Variants in ATP2B4 observed in about 807,000 individuals in gnomAD.
The protein encoded by ATP2B4 is ATPase plasma membrane Ca2+ transporting 4.
A neutral mutation model predicts 110.3 loss-of-function variants in ATP2B4; 39 were observed. The ratio of observed to expected loss-of-function variants is 0.35; its 90% confidence interval spans 0.27 to 0.46. The LOEUF (loss-of-function observed/expected upper bound fraction) is 0.46. ATP2B4 is among the 20% of genes least tolerant of loss of function. The pLI, the probability that ATP2B4 is intolerant of heterozygous loss-of-function variation, is 1.00. For synonymous variants in ATP2B4, 538 were observed against 571.7 expected (o/e 0.94, Z 0.84); for missense variants, 1,135 against 1,530.9 (o/e 0.74, Z 4.32).
chr1:203,704,620 A>C (rs1294096477), intron 8 of ATP2B4, among the ~76,000 whole-genome samples: 2 of 151,724 alleles, frequency 1.3e-5, no homozygotes, highest in Non-Finnish European at 2.9e-5. Context: ...AGCAGGGACT[A>C]CAGGTGCACA....
In ATP2B4 at chr1:203,721,183, C is replaced by G; in HGVS notation, c.2599-14C>G. ...CAGAGAAAAGCTAAAAGGACTGGTT[C>G]TTCTCCCCGCCAGGATTCCCCATTG... is the stretch of plus-strand genomic sequence containing the variant. On this transcript the variant is annotated splice_polypyrimidine_tract_variant and intron_variant, in intron 16 of 20. Transcript: ENST00000357681. 6.2e-7 allele frequency: 1 copy of G among 1,613,400 alleles called. No homozygotes were observed. Among genetic ancestry groups the G allele is most frequent in the South Asian group, 1.1e-5 (1 of 91,056 alleles).
intron 1 of ATP2B4, among the ~76,000 whole-genome samples, chr1:203,634,714 A>G (rs970432776): frequency 1.3e-5 from 2 of 152,078 alleles, no homozygotes; most frequent in Non-Finnish European, 2.9e-5. Flanking sequence ...ATCCAGCTGG[A>G]GTGCAGTGGC....
chr1:203,628,539 G>T (rs1316803413), intron 1 of ATP2B4, among the ~76,000 whole-genome samples: 1 of 152,200 alleles, frequency 6.6e-6, no homozygotes, highest in African/African-American at 2.4e-5. Flanking sequence ...GAGGGGAAAG[G>T]AGTGGGGGAG....
intron 20 of ATP2B4, among the ~76,000 whole-genome samples, chr1:203,738,840 G>T (rs1439993007): frequency 6.6e-6 from 1 of 152,204 alleles, no homozygotes; most frequent in Non-Finnish European, 1.5e-5. Context: ...GTGAAGTTCT[G>T]TGTTATTTGC....
chr1:203,653,028 C>T (rs1175617271), intron 1 of ATP2B4, among the ~76,000 whole-genome samples: 5 of 152,280 alleles, frequency 3.3e-5, no homozygotes, highest in Non-Finnish European at 2.9e-5. Context: ...CAAAGCTAGG[C>T]CTCTTGTACC....
chr1:203,712,594 A>C (rs1666043788), intron 13 of ATP2B4, among the ~76,000 whole-genome samples: 1 of 151,428 alleles, frequency 6.6e-6, no homozygotes, highest in African/African-American at 2.4e-5. Flanking sequence ...CCGTCTCAAA[A>C]AAGAAAAAAA....
At chr1:203,632,216 A>G (rs1207838096) in intron 1 of ATP2B4, among the ~76,000 whole-genome samples, 1 of 152,202 alleles carries the variant, frequency 6.6e-6, no homozygotes, top group Non-Finnish European at 1.5e-5. Flanking sequence ...AAAAGAAAAA[A>G]AAAAGAATGA....
chr1:203,637,126 A>T (rs761381165), intron 1 of ATP2B4, among the ~76,000 whole-genome samples: 1 of 152,208 alleles, frequency 6.6e-6, no homozygotes, highest in Non-Finnish European at 1.5e-5. Context: ...TATTATATTG[A>T]ACCATATGAA....
intron 1 of ATP2B4, among the ~76,000 whole-genome samples, chr1:203,675,603 G>T (rs190162494): frequency 5.1e-4 from 77 of 152,246 alleles, no homozygotes; most frequent in African/African-American, 1.8e-3. Flanking sequence ...AGACCCAGGG[G>T]CTACGAGTGA....
intron 1 of ATP2B4, among the ~76,000 whole-genome samples, chr1:203,630,475 G>A (rs1447850246): frequency 1.3e-5 from 2 of 151,302 alleles, no homozygotes; most frequent in East Asian, 3.9e-4. Flanking sequence ...CTAAGCCTTG[G>A]AGAGAGAAAA....
At chr1:203,690,846 G>A (rs988132713) in intron 2 of ATP2B4, among the ~76,000 whole-genome samples, 83 of 152,116 alleles carry the variant, frequency 5.5e-4, no homozygotes, top group African/African-American at 1.6e-3. Flanking sequence ...ACTAATTCAC[G>A]ATGTGAGAAG....
chr1:203,696,873 G>A (rs1665548754), intron 2 of ATP2B4, among the ~76,000 whole-genome samples: 1 of 152,002 alleles, frequency 6.6e-6, no homozygotes, highest in South Asian at 2.1e-4. Context: ...TGATGTGAGT[G>A]GTGTATGTGG....
chr1:203,704,192 G>C (rs973825969), intron 8 of ATP2B4, among the ~76,000 whole-genome samples: 11 of 152,154 alleles, frequency 7.2e-5, no homozygotes, highest in African/African-American at 2.7e-4. Context: ...GCTTGCTACA[G>C]GCAATTCTCT....
At chr1:203,717,304 A>T (rs116336775) in intron 15 of ATP2B4, among the ~76,000 whole-genome samples, 2,430 of 152,286 alleles carry the variant, frequency 0.016, 71 homozygotes, top group African/African-American at 0.056. Context: ...GGTTTTTTTT[A>T]AAATGATGAG....
At chr1:203,696,245 A>G (rs574313256) in intron 2 of ATP2B4, among the ~76,000 whole-genome samples, 3 of 152,282 alleles carry the variant, frequency 2.0e-5, no homozygotes, top group South Asian at 4.1e-4. Flanking sequence ...GGTTCTATTC[A>G]GTGAAGATTT....
chr1:203,659,003 GA>G (rs973378028), intron 1 of ATP2B4, among the ~76,000 whole-genome samples: 50 of 143,026 alleles, frequency 3.5e-4, no homozygotes, highest in East Asian at 6.0e-4. Flanking sequence ...GACTGCGTCT[GA>G]AAAAAAAAAA....
intron 11 of ATP2B4, among the ~76,000 whole-genome samples, chr1:203,710,667 A>G (rs1227089945): frequency 6.6e-6 from 1 of 152,130 alleles, no homozygotes; most frequent in East Asian, 1.9e-4. Context: ...GGAGAATCCC[A>G]CTCTCTATAT....
intron 7 of ATP2B4, 47 bp downstream of exon 7, chr1:203,702,126 AAACC>A: frequency 6.2e-7 from 1 of 1,604,768 alleles, no homozygotes; most frequent in Non-Finnish European, 8.5e-7. Flanking sequence ...GCCCACACTC[AAACC>A]AGACCTTTCC....
intron 20 of ATP2B4, chr1:203,733,443 C>T: frequency 6.6e-7 from 1 of 1,513,878 alleles, no homozygotes; most frequent in Non-Finnish European, 9.0e-7. Flanking sequence ...CTAAAATGAC[C>T]ACAAGAGAGC....
Sources: gnomAD v4.1 joint callset for allele counts (sites outside exome capture counted in the v4.1 genomes callset) on GRCh38, gnomAD v4.1.1 for gene constraint, MANE v1.5 for transcripts, NCBI Gene and HGNC (gene_info 2026-07-23, HGNC 2026-07-21) for gene names.